The following WWC2 variants were observed in gnomAD, a reference collection of about 807,000 sequenced individuals.
The protein encoded by WWC2 is protein WWC2.
Under a neutral mutation model 138.5 loss-of-function variants are expected in WWC2, and 101 were observed. That is an observed-to-expected ratio of 0.73 (90% CI 0.62 to 0.86). The LOEUF (loss-of-function observed/expected upper bound fraction) is 0.86, where lower values mean the gene tolerates loss of function less well. Ranked by LOEUF, WWC2 falls within the 40% of genes least tolerant of loss-of-function variation. The probability of loss-of-function intolerance (pLI) is 0.00; values close to 1 mark genes in which losing one functional copy is unlikely to be tolerated. For synonymous variants in WWC2, 558 were observed against 538.4 expected (o/e 1.04, Z -0.50); for missense variants, 1,420 against 1,419.4 (o/e 1.00, Z -0.01).
At chr4:183,314,407 C>T (rs1359823327) in intron 22 of WWC2, among the ~76,000 whole-genome samples, 1 of 152,216 alleles carries the variant, frequency 6.6e-6, no homozygotes, top group Non-Finnish European at 1.5e-5. Context: ...AGATACGAAG[C>T]ATATTATATC....
At chr4:183,146,562 A>C (rs1028254855) in intron 1 of WWC2, among the ~76,000 whole-genome samples, 1 of 152,216 alleles carries the variant, frequency 6.6e-6, no homozygotes, top group African/African-American at 2.4e-5. Context: ...TGATGTTTGG[A>C]ACTTCCTTTT....
chr4:183,122,189 A>T (rs148923327), intron 1 of WWC2, among the ~76,000 whole-genome samples: 230 of 152,318 alleles, frequency 1.5e-3, no homozygotes, highest in South Asian at 2.9e-3. Context: ...TTTATGTATT[A>T]GGCAAATTAT....
In WWC2 at chr4:183,208,048, A is replaced by C. The variant is rs904807752; in HGVS notation, c.337A>C (p.Thr113Pro). The C allele has an allele frequency of 1.9e-6, 3 of 1,613,932 alleles. No homozygotes were observed. Among genetic ancestry groups the C allele is most frequent in the Non-Finnish European group, 1.7e-6 (2 of 1,179,834 alleles). ...YLSVAQDALR[T>P]QKELYHVKEQ... ...CTCTGTGGCACAGGATGCCCTCCGG[A>C]CACAGAAGGAACTGTACCATGTGAA... The change falls in exon 3 of 23, where the codon ACA becomes CCA. Residue 113 changes from threonine to proline, a missense_variant. Thr to Pro is a conservative substitution (Grantham distance 38). Coordinates refer to ENST00000403733, the MANE Select transcript of WWC2 (RefSeq NM_024949.6).
Position 183,265,549 on chromosome 4 carries a change from G to A in WWC2, c.2040-139G>A, listed in dbSNP as rs374498383. On this transcript the variant is annotated intron_variant, in intron 12 of 22. Transcript: ENST00000403733. ...AGAGCCTCTGAAACAGTAAGCTTTCGCTGGGATCAGTTCCACTGGGAGGGC... is the reference window on the plus strand; with the variant it reads ...AGAGCCTCTGAAACAGTAAGCTTTCACTGGGATCAGTTCCACTGGGAGGGC... The A allele has an allele frequency of 2.0e-4, 173 of 879,058 alleles. 1 individual carries two copies. Among genetic ancestry groups the A allele is most frequent in the African/African-American group, 1.0e-3 (61 of 59,908 alleles). The allele number at this position is 879,058 out of a possible 1,614,324, so 54.5% of individuals were successfully genotyped here.
intron 1 of WWC2, among the ~76,000 whole-genome samples, chr4:183,176,889 A>G (rs1321335796): frequency 6.6e-6 from 1 of 152,200 alleles, no homozygotes; most frequent in East Asian, 1.9e-4. Flanking sequence ...CTCCTCATGG[A>G]GGAGTTTTTC....
chr4:183,128,054 A>G (rs996129334), intron 1 of WWC2, among the ~76,000 whole-genome samples: 2 of 151,880 alleles, frequency 1.3e-5, no homozygotes, highest in Admixed American at 1.3e-4. Context: ...AAAAAAAAAA[A>G]AAAAGGCCAG....
At chr4:183,166,839 G>A (rs985022771) in intron 1 of WWC2, among the ~76,000 whole-genome samples, 2 of 152,116 alleles carry the variant, frequency 1.3e-5, no homozygotes, top group Non-Finnish European at 2.9e-5. Flanking sequence ...TGGATAAAAA[G>A]GTAATCTCTC....
intron 5 of WWC2, among the ~76,000 whole-genome samples, chr4:183,244,374 G>A (rs1218737496): frequency 6.6e-6 from 1 of 152,130 alleles, no homozygotes; most frequent in African/African-American, 2.4e-5. Flanking sequence ...TCTAGCCTAA[G>A]GTGACGATGT....
chr4:183,280,229 G>GTTTTTTTTTTTTTTTTTTTT (rs869235261), intron 16 of WWC2, among the ~76,000 whole-genome samples: 16 of 65,458 alleles, frequency 2.4e-4, no homozygotes, highest in African/African-American at 3.1e-4. Context: ...GATAGCAGCT[G>GTTTTTTTTTTTTTTTTTTTT]TTTTTTTTTT....
At chr4:183,111,894 C>T (rs1000318059) in intron 1 of WWC2, among the ~76,000 whole-genome samples, 6 of 151,946 alleles carry the variant, frequency 3.9e-5, no homozygotes, top group Non-Finnish European at 7.4e-5. Context: ...GTCAGGGTTT[C>T]GCCATGTTGC....
intron 1 of WWC2, among the ~76,000 whole-genome samples, chr4:183,177,404 CAA>C (rs749401279): frequency 1.3e-5 from 2 of 151,878 alleles, no homozygotes; most frequent in East Asian, 3.9e-4. Flanking sequence ...ATGCATAACA[CAA>C]AAGAGTCAGA....
chr4:183,287,438 C>T (rs541802055), intron 20 of WWC2, among the ~76,000 whole-genome samples: 46 of 152,268 alleles, frequency 3.0e-4, no homozygotes, highest in Non-Finnish European at 5.1e-4. Context: ...TAGTTTCACT[C>T]TTCAGATAAA....
At chr4:183,207,839 C>G in intron 2 of WWC2, 114 bp from the exon 3 acceptor site, 1 of 986,342 alleles carries the variant, frequency 1.0e-6, no homozygotes, top group South Asian at 1.9e-5. Flanking sequence ...TCCAGCACAG[C>G]TAAATAAACT....
intron 4 of WWC2, among the ~76,000 whole-genome samples, chr4:183,216,760 T>C (rs182424941): frequency 6.6e-6 from 1 of 152,154 alleles, no homozygotes; most frequent in East Asian, 1.9e-4. Flanking sequence ...CTAGAATATA[T>C]AGGAAATACC....
Position 183,278,593 on chromosome 4 carries a change from A to T in WWC2, c.2563-2183A>T, listed in dbSNP as rs1024919409. Among the ~76,000 whole-genome samples the T allele has an allele frequency of 2.9e-3, 434 of 151,762 alleles. 3 individuals are homozygous for T. The highest frequency in any genetic ancestry group is 0.01 in the African/African-American group (418 of 41,434). On this transcript the variant is annotated intron_variant, in intron 16 of 22. Coordinates refer to ENST00000403733, the MANE Select transcript of WWC2 (RefSeq NM_024949.6). Reference sequence around the variant, plus strand: ...CAGTATGGCCATTTTCACGATATTGATTCTTCCTACCCATGAGCATGGAAT... The same window carrying T: ...CAGTATGGCCATTTTCACGATATTGTTTCTTCCTACCCATGAGCATGGAAT...
chr4:183,187,518 A>G (rs1311301266), intron 1 of WWC2, among the ~76,000 whole-genome samples: 2 of 149,440 alleles, frequency 1.3e-5, no homozygotes, highest in African/African-American at 4.9e-5. Flanking sequence ...GTGTCACTGC[A>G]CTCTAGCCTG....
At chr4:183,258,752 G>C (rs1488756195) in intron 9 of WWC2, among the ~76,000 whole-genome samples, 3 of 152,170 alleles carry the variant, frequency 2.0e-5, no homozygotes, top group African/African-American at 7.2e-5. Flanking sequence ...TATGCAGCTA[G>C]TAAGCTGCAA....
At chr4:183,223,102 T>C (rs1735977277) in intron 4 of WWC2, among the ~76,000 whole-genome samples, 1 of 152,276 alleles carries the variant, frequency 6.6e-6, no homozygotes, top group African/African-American at 2.4e-5. Context: ...TCTTTTGATA[T>C]GTTTAGATAC....
At chr4:183,105,657 A>G (rs920856568) in intron 1 of WWC2, among the ~76,000 whole-genome samples, 11 of 152,134 alleles carry the variant, frequency 7.2e-5, no homozygotes, top group African/African-American at 9.7e-5. Context: ...TTGGGAGGCC[A>G]AGGCGGGTGG....
Sources: gnomAD v4.1 joint callset for allele counts (sites outside exome capture counted in the v4.1 genomes callset) on GRCh38, gnomAD v4.1.1 for gene constraint, MANE v1.5 for transcripts, NCBI Gene and HGNC (gene_info 2026-07-23, HGNC 2026-07-21) for gene names.